The following ZNF562 variants were observed in gnomAD, a reference collection of about 807,000 sequenced individuals.
The protein encoded by ZNF562 is zinc finger protein 562.
ZNF562 carries 13 observed loss-of-function variants against 17.5 expected under a neutral mutation model. The observed-to-expected ratio is 0.74, with a 90% CI of 0.48 to 1.18. The LOEUF (loss-of-function observed/expected upper bound fraction) is 1.18. Among genes scored for constraint, ZNF562 ranks in the 50% most tolerant of loss-of-function variants. The probability of loss-of-function intolerance (pLI) is 0.00; values close to 1 mark genes in which losing one functional copy is unlikely to be tolerated. For missense variants in ZNF562, 481 were observed against 498.5 expected (o/e 0.96, Z 0.33); for synonymous variants, 163 against 165.4 (o/e 0.99, Z 0.11).
rs1048104801 is a variant in ZNF562 at position 9,650,410 on chromosome 19, A to ACG, written c.*2538_*2539insCG. The ACG allele has an allele frequency of 7.0e-6, 1 of 142,088 alleles. No homozygotes were observed. Among genetic ancestry groups the ACG allele is most frequent in the African/African-American group, 3.0e-5 (1 of 33,248 alleles). 8.8% of individuals were successfully genotyped at this position (142,088 alleles called of 1,614,324 possible). Reference sequence around the variant, plus strand: ...TATGTATATATATATACACATACACACACACACACACACACACACAGTGAC... The same window carrying ACG: ...TATGTATATATATATACACATACACACGCACACACACACACACACACAGTGAC... On this transcript the variant is annotated 3_prime_UTR_variant, in exon 6 of 6. Transcript: ENST00000453372.
chr19:9,645,716 T>G lies in ZNF562; in HGVS notation c.*7233A>C, dbSNP rs1275914870. The G allele has an allele frequency of 6.6e-6, 1 of 152,204 alleles. No homozygotes were observed. Among genetic ancestry groups the G allele is most frequent in the Admixed American group, 6.5e-5 (1 of 15,268 alleles). The allele number at this position is 152,204 out of a possible 1,614,324, so 9.4% of individuals were successfully genotyped here. A position where few individuals can be genotyped will look rare whatever the true frequency, so the allele number is the denominator to read the frequency against. On this transcript the variant is annotated 3_prime_UTR_variant, in exon 6 of 6. Coordinates refer to ENST00000453372, the MANE Select transcript of ZNF562 (RefSeq NM_001130031.2). ...TCTGCCACCAGATCTGTCTAATAGC[T>G]TGTGTGACAATGCACTTCCTTCTGG...
intron 1 of ZNF562, among the ~76,000 whole-genome samples, chr19:9,669,728 GCGCGCGCACACACACA>G (rs1468694117): frequency 1.2e-5 from 1 of 84,832 alleles, no homozygotes. Context: ...GCGCGCGCGC[GCGCGCGCACACACACA>G]CACACACACA....
At position 9,663,946 on chromosome 19, in the gene ZNF562, G is replaced by C. The variant is rs142417577; in HGVS notation, c.-130-3072C>G. Reference sequence around the variant, plus strand: ...TTTTTTGTATTTTTAGTAGAGATGGGGTTTCACAATGACAGCCAGGCTGGT... The same window carrying C: ...TTTTTTGTATTTTTAGTAGAGATGGCGTTTCACAATGACAGCCAGGCTGGT... On this transcript the variant is annotated intron_variant, in intron 1 of 5. Coordinates refer to ENST00000453372, the MANE Select transcript of ZNF562 (RefSeq NM_001130031.2). Among the ~76,000 whole-genome samples the C allele has an allele frequency of 5.0e-4, 76 of 152,054 alleles. 1 individual carries two copies. The East Asian group carries it at 0.014, about 29-fold the overall frequency.
Position 9,669,711 on chromosome 19 carries a change from C to T in ZNF562, c.-131+5304G>A, listed in dbSNP as rs1475920377. On this transcript the variant is annotated intron_variant, in intron 1 of 5. Coordinates refer to ENST00000453372, the MANE Select transcript of ZNF562 (RefSeq NM_001130031.2). ...CTGGCAAGACCTGTCTGCATGCACG[C>T]GCGCGAGCGCGCGCGCGCGCGCGCA... is the stretch of plus-strand genomic sequence containing the variant. Among the ~76,000 whole-genome samples the T allele has an allele frequency of 2.3e-3, 191 of 84,780 alleles. 3 individuals are homozygous for T. The highest frequency in any genetic ancestry group is 1.0e-2 in the African/African-American group (149 of 14,924). The allele number at this position is 84,780 out of a possible 152,430, so 55.6% of individuals were successfully genotyped here.
chr19:9,666,023 A>AG (rs1280789438), intron 1 of ZNF562, among the ~76,000 whole-genome samples: 1 of 151,632 alleles, frequency 6.6e-6, no homozygotes, highest in Non-Finnish European at 1.5e-5. Context: ...AAAAAAAAAA[A>AG]AAATCAAAAG....
chr19:9,657,099 T>G (rs2043524461), intron 4 of ZNF562, among the ~76,000 whole-genome samples: 1 of 149,248 alleles, frequency 6.7e-6, no homozygotes, highest in Non-Finnish European at 1.5e-5. Flanking sequence ...TGTCAAAAAT[T>G]TGGCTATAAG....
chr19:9,643,491 T>G lies in ZNF562; in HGVS notation c.*9458A>C, dbSNP rs929111800. 6.6e-6 allele frequency: 1 copy of G among 152,112 alleles called. No individual in the cohort carries two copies. Among genetic ancestry groups the G allele is most frequent in the Non-Finnish European group, 1.5e-5 (1 of 68,014 alleles). The allele number at this position is 152,112 out of a possible 1,614,324, so 9.4% of individuals were successfully genotyped here. A position where few individuals can be genotyped will look rare whatever the true frequency, so the allele number is the denominator to read the frequency against. On this transcript the variant is annotated 3_prime_UTR_variant, in exon 6 of 6. Coordinates refer to ENST00000453372, the MANE Select transcript of ZNF562 (RefSeq NM_001130031.2). The stretch of plus-strand genomic sequence containing the variant: ...GAATGAGCCAGAGCCAACCTTATAT[T>G]CCTGCAGTAAATGCCACTGGGTTTA...
intron 1 of ZNF562, among the ~76,000 whole-genome samples, chr19:9,669,752 A>ACACG (rs1389812540): frequency 2.0e-5 from 3 of 150,158 alleles, no homozygotes; most frequent in East Asian, 4.0e-4. Flanking sequence ...ACACACACAC[A>ACACG]CACACACACA....
At chr19:9,669,723 C>CGAGT in intron 1 of ZNF562, among the ~76,000 whole-genome samples, 1 of 79,850 alleles carries the variant, frequency 1.3e-5, no homozygotes, top group Non-Finnish European at 2.6e-5. Flanking sequence ...CGCGAGCGCG[C>CGAGT]GCGCGCGCGC....
In ZNF562 at chr19:9,653,655, G is replaced by A. The variant is rs1246036918; in HGVS notation, c.575C>T (p.Ala192Val). 3 of 1,614,024 alleles carry A rather than the reference G, an allele frequency of 1.9e-6. No homozygotes were observed. The highest frequency in any genetic ancestry group is 1.1e-5 in the South Asian group (1 of 91,078). ...TCCATTGAGAATTTCAAGATGCACAGCAAGGCCTGGAGTTAAGGTGAAGAC... is the reference window on the plus strand; with the variant it reads ...TCCATTGAGAATTTCAAGATGCACAACAAGGCCTGGAGTTAAGGTGAAGAC... Reference protein sequence around the residue: ...GKVFTLTPGLAVHLEILNGRQ... With the variant: ...GKVFTLTPGLVVHLEILNGRQ... The change falls in exon 6 of 6, where the codon GCT becomes GTT. Residue 192 changes from alanine to valine, a missense_variant. Around this residue, in one of 2 missense-constraint regions of ZNF562, gnomAD observed 403 missense variants for 386.4 expected, o/e 1.04. Transcript: ENST00000453372.
rs1481591524 is a variant in ZNF562, at chr19:9,652,793, T to C, written c.*156A>G. ...AACAACACTCATATCCTTACATTCA[T>C]AGTATTTCTCCCCAGTGTGAATTCT... On this transcript the variant is annotated 3_prime_UTR_variant, in exon 6 of 6. Transcript: ENST00000453372. 6 of 633,784 alleles carry C rather than the reference T, an allele frequency of 9.5e-6. No homozygotes were observed. The highest frequency in any genetic ancestry group is 8.5e-5 in the East Asian group (3 of 35,130). The allele number at this position is 633,784 out of a possible 1,614,324, so 39.3% of individuals were successfully genotyped here.
rs1361176142 is a variant in ZNF562 at position 9,667,874 on chromosome 19, C to T, written c.-130-7000G>A. On this transcript the variant is annotated intron_variant, in intron 1 of 5. Transcript: ENST00000453372. ...CCTCCTAAAGTGCTGGGATTACAGG[C>T]ATGAGCCACCATGCTCAGCTGACAT... 2.6e-5 allele frequency among the ~76,000 whole-genome samples: 4 copies of T among 152,022 alleles called. No individual in the cohort carries two copies. The South Asian group carries it at 8.3e-4, about 32-fold the overall frequency.
Position 9,660,714 on chromosome 19 carries a change from A to T in ZNF562, c.25+6T>A. 6.2e-7 allele frequency: 1 copy of T among 1,612,796 alleles called. No homozygotes were observed. Among genetic ancestry groups the T allele is most frequent in the Non-Finnish European group, 8.5e-7 (1 of 1,179,272 alleles). The stretch of plus-strand genomic sequence containing the variant: ...TCTCTGAAAAAGAGCATCAACAAGG[A>T]CTTACCATGGGACATATCAAAGGCT... On this transcript the variant is annotated splice_donor_region_variant and intron_variant, in intron 2 of 5. Transcript: ENST00000453372.
intron 1 of ZNF562, among the ~76,000 whole-genome samples, chr19:9,669,722 GCGCGCGCGCGCGCACACACACACACACA>G (rs1419961521): frequency 1.0e-5 from 1 of 97,390 alleles, no homozygotes; most frequent in Non-Finnish European, 2.1e-5. Context: ...GCGCGAGCGC[GCGCGCGCGCGCGCACACACACACACACA>G]CACACACACA....
Position 9,653,724 on chromosome 19 carries a change from G to A in ZNF562, c.506C>T (p.Ala169Val). 1.9e-6 allele frequency: 3 copies of A among 1,614,034 alleles called. No individual in the cohort carries two copies. Among genetic ancestry groups the A allele is most frequent in the Non-Finnish European group, 2.5e-6 (3 of 1,179,962 alleles). ...TTTGGAAAGTTCTTGTCCAATAGAG[G>A]CTTCCTTGTGCACACTGATGCTGTC... is the stretch of plus-strand genomic sequence containing the variant. ...GKDSISVHKE[A>V]SIGQELSKFN... Residue 169 changes from alanine to valine, a missense_variant, in exon 6 of 6, where the codon GCC (alanine) becomes GTC (valine). By Grantham distance (64) the Ala-to-Val change is moderately conservative. Around this residue, in one of 2 missense-constraint regions of ZNF562, gnomAD observed 403 missense variants for 386.4 expected, o/e 1.04. Transcript: ENST00000453372.
chr19:9,666,353 G>T (rs1487946596), intron 1 of ZNF562, among the ~76,000 whole-genome samples: 1 of 150,714 alleles, frequency 6.6e-6, no homozygotes, highest in Non-Finnish European at 1.5e-5. Context: ...TTACACAATG[G>T]AACTTTGTTT....
chr19:9,642,493 C>T lies in ZNF562; in HGVS notation c.*10456G>A, dbSNP rs66558701. 0.36 allele frequency: 53,818 copies of T among 151,568 alleles called. 13,420 individuals are homozygous for T. The highest frequency in any genetic ancestry group is 0.7 in the African/African-American group (29,033 of 41,260). 9.4% of individuals were successfully genotyped at this position (151,568 alleles called of 1,614,324 possible). A position where few individuals can be genotyped will look rare whatever the true frequency, so the allele number is the denominator to read the frequency against. ...GATCTCTCTATGTTGCCTAGGCTGC[C>T]CTCAAACTCCTGAGCTCAAGCGATC... is the stretch of plus-strand genomic sequence containing the variant. On this transcript the variant is annotated 3_prime_UTR_variant, in exon 6 of 6. Transcript: ENST00000453372.
chr19:9,649,085 T>C lies in ZNF562; in HGVS notation c.*3864A>G, dbSNP rs1485384497. 2.6e-5 allele frequency: 4 copies of C among 152,254 alleles called. No homozygotes were observed. The highest frequency in any genetic ancestry group is 9.6e-5 in the African/African-American group (4 of 41,464). The allele number at this position is 152,254 out of a possible 1,614,324, so 9.4% of individuals were successfully genotyped here. A position where few individuals can be genotyped will look rare whatever the true frequency, so the allele number is the denominator to read the frequency against. On this transcript the variant is annotated 3_prime_UTR_variant, in exon 6 of 6. Transcript: ENST00000453372. ...ATTGTGAAGGTTTCATGGACATTTA[T>C]TAGTTCCCCAAATTAATACTTTTAT...
Position 9,653,048 on chromosome 19 carries a change from G to C in ZNF562, c.1182C>G (p.His394Gln), listed in dbSNP as rs2074894800. Residue 394 changes from histidine to glutamine, a missense_variant, in exon 6 of 6, where the codon CAC becomes CAG. Transcript: ENST00000453372. The stretch of plus-strand genomic sequence containing the variant: ...CACATTCATAAGGCTTCTCTCCTGT[G>C]TGAATTCTTCTATGTTGAGTAAGCG... Reference protein sequence around the residue: ...SSTLTQHRRIHTGEKPYECVE... With the variant: ...SSTLTQHRRIQTGEKPYECVE... The C allele has an allele frequency of 1.9e-6, 3 of 1,599,036 alleles. No individual in the cohort carries two copies. Among genetic ancestry groups the C allele is most frequent in the Non-Finnish European group, 2.6e-6 (3 of 1,172,554 alleles).
Sources: gnomAD v4.1 joint callset for allele counts (sites outside exome capture counted in the v4.1 genomes callset) on GRCh38, gnomAD v4.1.1 for gene constraint, gnomAD v4.1.1 regional missense constraint, MANE v1.5 for transcripts, NCBI Gene and HGNC (gene_info 2026-07-23, HGNC 2026-07-21) for gene names.